INTS6: variants seen among roughly 807,000 people sequenced by gnomAD.
INTS6 encodes integrator complex subunit 6.
In INTS6, 16 loss-of-function variants were observed where a neutral mutation model predicts 104.9. That is an observed-to-expected ratio of 0.15 (90% CI 0.10 to 0.23). The LOEUF (loss-of-function observed/expected upper bound fraction) is 0.23, where lower values mean the gene tolerates loss of function less well. Ranked by LOEUF, INTS6 falls within the 10% of genes least tolerant of loss-of-function variation. The pLI, the probability that INTS6 is intolerant of heterozygous loss-of-function variation, is 1.00. For missense variants in INTS6, 584 were observed against 1,062.8 expected (o/e 0.55, Z 6.26); for synonymous variants, 324 against 358.7 (o/e 0.90, Z 1.09).
chr13:51,444,279 T>C (rs1263487756), intron 3 of INTS6: 1 of 143,478 alleles, frequency 7.0e-6, no homozygotes, highest in African/African-American at 2.6e-5. Flanking sequence ...TTTTTTTTTT[T>C]TTTTTAGTAG....
chr13:51,406,364 C>CCCAAAATGGTCCTCTTTTTGGGTAGGA (rs1163202438), intron 4 of INTS6, among the ~76,000 whole-genome samples: 1 of 152,068 alleles, frequency 6.6e-6, no homozygotes, highest in Non-Finnish European at 1.5e-5. Flanking sequence ...TTTTCCTCTA[C>CCCAAAATGGTCCTCTTTTTGGGTAGGA]CCAAAATGGT....
At chr13:51,446,905 T>A (rs2138164642) in intron 3 of INTS6, 1 of 152,248 alleles carries the variant, frequency 6.6e-6, no homozygotes, top group East Asian at 1.9e-4. Flanking sequence ...GGGAGTTACT[T>A]GATATAGAGT....
At chr13:51,438,058 G>A (rs566499932) in intron 3 of INTS6, 1 of 152,072 alleles carries the variant, frequency 6.6e-6, no homozygotes, top group Non-Finnish European at 1.5e-5. Flanking sequence ...TAGTTTTAAG[G>A]GGCCCTGGTT....
chr13:51,337,124 C>T, the INTS6 span, among the ~76,000 whole-genome samples: 2 of 152,352 alleles, frequency 1.3e-5, no homozygotes, highest in Non-Finnish European at 1.5e-5. Context: ...TTTAACAGTG[C>T]CCATGTCTTC....
intron 4 of INTS6, among the ~76,000 whole-genome samples, chr13:51,403,733 C>T (rs1034925227): frequency 6.6e-6 from 1 of 151,900 alleles, no homozygotes; most frequent in South Asian, 2.1e-4. Flanking sequence ...TTTTAATGAC[C>T]TATTTACTTC....
At chr13:51,373,201 G>A (rs1419561173) in intron 15 of INTS6, among the ~76,000 whole-genome samples, 1 of 146,182 alleles carries the variant, frequency 6.8e-6, no homozygotes, top group Non-Finnish European at 1.5e-5. Context: ...TTTGGTGTTT[G>A]GTTTTTTTTT....
rs912571938 is a variant in INTS6 at position 51,369,161 on chromosome 13, T to A, written c.2254A>T (p.Met752Leu). 9.9e-6 allele frequency: 16 copies of A among 1,613,756 alleles called. No individual in the cohort carries two copies. Among genetic ancestry groups the A allele is most frequent in the Non-Finnish European group, 1.0e-5 (12 of 1,179,836 alleles). Residue 752 changes from methionine (M) to leucine (L), a missense_variant, in exon 16 of 18, where the codon ATG becomes TTG. Coordinates refer to ENST00000311234, the MANE Select transcript of INTS6 (RefSeq NM_012141.3). The stretch of plus-strand genomic sequence containing the variant: ...AAATGGTCATGACCAAGAGCCTCCA[T>A]ATGATTGGTTGGCCGTTCCAGTAAA... ...ASLLERPTNH[M>L]EALGHDHLGT...
intron 3 of INTS6, chr13:51,437,655 C>CT (rs1441134134): frequency 1.3e-5 from 2 of 152,178 alleles, no homozygotes; most frequent in African/African-American, 2.4e-5. Flanking sequence ...TTGGAAAACT[C>CT]TAACAGTATA....
intron 5 of INTS6, among the ~76,000 whole-genome samples, chr13:51,391,570 C>G (rs1381701853): frequency 6.6e-6 from 1 of 152,182 alleles, no homozygotes; most frequent in Non-Finnish European, 1.5e-5. Context: ...ATATACAACA[C>G]TTTGTGCTAA....
At chr13:51,398,377 A>C (rs1163439874) in intron 4 of INTS6, among the ~76,000 whole-genome samples, 1 of 152,196 alleles carries the variant, frequency 6.6e-6, no homozygotes, top group African/African-American at 2.4e-5. Flanking sequence ...ATAAAAATAG[A>C]CAATTCCCAA....
chr13:51,381,300 C>CA (rs1387555645), intron 10 of INTS6, among the ~76,000 whole-genome samples: 2 of 152,188 alleles, frequency 1.3e-5, no homozygotes, highest in African/African-American at 4.8e-5. Flanking sequence ...GGTAGTACAA[C>CA]ACTCGAGGTT....
At chr13:51,382,174 T>G (rs552540446) in intron 9 of INTS6, 51 bp from the exon 10 acceptor site, 2 of 1,132,846 alleles carry the variant, frequency 1.8e-6, no homozygotes, top group South Asian at 1.4e-5. Flanking sequence ...TTTTCACACA[T>G]AGAAGTCAAG....
chr13:51,414,825 T>A (rs1426135509), intron 4 of INTS6, among the ~76,000 whole-genome samples: 4 of 131,698 alleles, frequency 3.0e-5, no homozygotes, highest in African/African-American at 9.4e-5. Context: ...ATGTATGTAG[T>A]TCTTCTATAC....
the INTS6 span, among the ~76,000 whole-genome samples, chr13:51,347,833 G>A: frequency 6.6e-6 from 1 of 151,948 alleles, no homozygotes; most frequent in African/African-American, 2.4e-5. Context: ...TCATCAGATC[G>A]AGAAAACATA....
chr13:51,356,468 T>C (rs1373314425), intron 3 of INTS6, among the ~76,000 whole-genome samples: 2 of 152,238 alleles, frequency 1.3e-5, no homozygotes, highest in Non-Finnish European at 2.9e-5. Flanking sequence ...ATGGCATCCC[T>C]GTTGTTGCTG....
chr13:51,341,697 C>T, the INTS6 span, among the ~76,000 whole-genome samples: 1 of 152,220 alleles, frequency 6.6e-6, no homozygotes, highest in Non-Finnish European at 1.5e-5. Flanking sequence ...TAGTGCCTTC[C>T]TAGGTGCCAG....
the INTS6 span, among the ~76,000 whole-genome samples, chr13:51,337,113 T>C: frequency 6.6e-6 from 1 of 152,354 alleles, no homozygotes; most frequent in East Asian, 1.9e-4. Flanking sequence ...CTCAGACTTC[T>C]TTTAACAGTG....
At chr13:51,372,490 T>C (rs1258803614) in intron 15 of INTS6, among the ~76,000 whole-genome samples, 2 of 152,118 alleles carry the variant, frequency 1.3e-5, no homozygotes, top group Non-Finnish European at 2.9e-5. Context: ...CGTTTTTTCT[T>C]CTTTTTGCCT....
At chr13:51,412,214 G>A (rs1158689133) in intron 4 of INTS6, among the ~76,000 whole-genome samples, 1 of 152,002 alleles carries the variant, frequency 6.6e-6, no homozygotes, top group East Asian at 1.9e-4. Context: ...TTATACTATT[G>A]TTGTAGTATT....
Sources: gnomAD v4.1 joint callset for allele counts (sites outside exome capture counted in the v4.1 genomes callset) on GRCh38, gnomAD v4.1.1 for gene constraint, MANE v1.5 for transcripts, NCBI Gene and HGNC (gene_info 2026-07-23, HGNC 2026-07-21) for gene names.